MYH6: variants seen among roughly 807,000 people sequenced by gnomAD.
MYH6 encodes myosin-6.
A neutral mutation model predicts 223.2 loss-of-function variants in MYH6; 126 were observed. That is an observed-to-expected ratio of 0.56 (90% CI 0.49 to 0.65). MYH6 has a LOEUF of 0.65. Among genes scored for constraint, MYH6 ranks in the 30% least tolerant of loss-of-function variants. The pLI is 0.00. For missense variants in MYH6, 2,040 were observed against 2,536.4 expected (o/e 0.80, Z 4.20); for synonymous variants, 978 against 1,010.2 (o/e 0.97, Z 0.61).
intron 12 of MYH6, 108 bp from the exon 13 acceptor site, chr14:23,401,085 C>A: frequency 6.6e-7 from 1 of 1,507,410 alleles, no homozygotes; most frequent in Non-Finnish European, 9.0e-7. Context: ...TGGCTCACTA[C>A]AGCCTCCACC....
At chr14:23,403,906 G>T in intron 8 of MYH6, 128 bp from the exon 9 acceptor site, 1 of 863,168 alleles carries the variant, frequency 1.2e-6, no homozygotes. Context: ...TCTCAGTTGA[G>T]TATAAGTGAA....
intron 37 of MYH6, among the ~76,000 whole-genome samples, 169 bp from the exon 38 acceptor site, chr14:23,382,731 A>G (rs1890898225): frequency 6.6e-6 from 1 of 152,038 alleles, no homozygotes; most frequent in South Asian, 2.1e-4. Context: ...CTCTTCTCAA[A>G]CATGTCCAGC....
intron 12 of MYH6, among the ~76,000 whole-genome samples, chr14:23,401,591 C>T (rs1595062215): frequency 6.6e-6 from 1 of 152,326 alleles, no homozygotes; most frequent in Admixed American, 6.5e-5. Context: ...GGCATATCCC[C>T]ACCTTCACCA....
In MYH6 at chr14:23,400,674, T is replaced by C. The variant is rs765813087; in HGVS notation, c.1410+35A>G. 4 of 1,613,962 alleles carry C rather than the reference T, an allele frequency of 2.5e-6. No homozygotes were observed. In the East Asian group the frequency reaches 8.9e-5, roughly 36 times the overall value. ...GCTGTTGAATGTAGGAGCAAGCGAG[T>C]GATTGTTCTCCCACTCCCAGGGGTC... On this transcript the variant is annotated intron_variant, in intron 13 of 38. Transcript: ENST00000405093.
chr14:23,384,778 A>G, intron 35 of MYH6, 61 bp from the exon 36 acceptor site: 3 of 1,613,786 alleles, frequency 1.9e-6, no homozygotes. Flanking sequence ...TTTGCCCCCC[A>G]AGGATCTCCT....
chr14:23,395,589 C>T (rs922775914), intron 20 of MYH6, among the ~76,000 whole-genome samples: 9 of 151,742 alleles, frequency 5.9e-5, no homozygotes, highest in South Asian at 2.1e-4. Flanking sequence ...TGCAGTGGCT[C>T]GATCTTGGCT....
Position 23,383,339 on chromosome 14 carries a change from G to GGGGGGGGGCCCCCC in MYH6, c.5566-20_5566-19insGGGGGGCCCCCCCC. 1 of 108,168 alleles carries GGGGGGGGGCCCCCC rather than the reference G, an allele frequency of 9.2e-6. No homozygotes were observed. The highest frequency in any genetic ancestry group is 1.8e-5 in the Non-Finnish European group (1 of 54,362). The allele number at this position is 108,168 out of a possible 1,614,324, so 6.7% of individuals were successfully genotyped here. On this transcript the variant is annotated intron_variant, in intron 36 of 38. Coordinates refer to ENST00000405093, the MANE Select transcript of MYH6 (RefSeq NM_002471.4). ...CCTCTGTCTGGGGGTGGGAGGGTGG[G>GGGGGGGGGCCCCCC]AGAAGCTGGTTTGGAGGGGGAGCAA... is the stretch of plus-strand genomic sequence containing the variant.
chr14:23,389,461 T>A lies in MYH6; in HGVS notation c.3910A>T (p.Thr1304Ser). The change falls in exon 28 of 39, where the codon ACC becomes TCC. Residue 1304 changes from threonine (T) to serine (S), a missense_variant. Coordinates refer to ENST00000405093, the MANE Select transcript of MYH6 (RefSeq NM_002471.4). The stretch of plus-strand genomic sequence containing the variant: ...TGGGTATAAGAGAGCTTCCCCCGGG[T>A]CAGCTGCGAGATTAGCGCCTCCTTT... ...EEKEALISQLTRGKLSYTQQM... is the reference protein window; with the variant it reads ...EEKEALISQLSRGKLSYTQQM... The A allele has an allele frequency of 6.2e-7, 1 of 1,614,114 alleles. No individual in the cohort carries two copies. The highest frequency in any genetic ancestry group is 8.5e-7 in the Non-Finnish European group (1 of 1,180,032).
chr14:23,394,426 G>A, intron 20 of MYH6, 103 bp from the exon 21 acceptor site: 2 of 1,441,236 alleles, frequency 1.4e-6, no homozygotes, highest in Non-Finnish European at 9.5e-7. Flanking sequence ...TCCTTCTTGT[G>A]CACACCCACC....
In MYH6 at chr14:23,393,872, C is replaced by G. The variant is rs758061689; in HGVS notation, c.2722G>C (p.Asp908His). 6.2e-7 allele frequency: 1 copy of G among 1,614,038 alleles called. No homozygotes were observed. The highest frequency in any genetic ancestry group is 1.7e-5 in the Admixed American group (1 of 59,996). Residue 908 changes from aspartate (D) to histidine (H), a missense_variant, in exon 22 of 39, where the codon GAC becomes CAC. Physicochemically the swap from Asp to His is moderately conservative, Grantham distance 81. This residue lies in a region of MYH6 where 1,203 missense variants were observed against 1,400.2 expected (regional missense o/e 0.86). Transcript: ENST00000405093. Reference sequence around the variant, plus strand: ...TGAATCTTGTTTTTGATCAGCTGGTCGCAGCGCTCCTCAGCATCATTGAGG... The same window carrying G: ...TGAATCTTGTTTTTGATCAGCTGGTGGCAGCGCTCCTCAGCATCATTGAGG... The part of the protein sequence containing the change: ...DNLNDAEERC[D>H]QLIKNKIQLE...
chr14:23,393,589 T>A lies in MYH6; in HGVS notation c.2929-71A>T, dbSNP rs1595056308. On this transcript the variant is annotated intron_variant, in intron 22 of 38. Coordinates refer to ENST00000405093, the MANE Select transcript of MYH6 (RefSeq NM_002471.4). ...CTGGAGACATCTATGGGGACCTCCA[T>A]GCCAAGGACCAGGACAACACTCTAG... The A allele has an allele frequency of 3.7e-6, 6 of 1,613,898 alleles. No individual in the cohort carries two copies. In the South Asian group the frequency reaches 6.6e-5, roughly 18 times the overall value.
intron 20 of MYH6, 31 bp from the exon 21 acceptor site, chr14:23,394,354 C>T (rs776142575): frequency 1.4e-5 from 22 of 1,613,692 alleles, no homozygotes; most frequent in Non-Finnish European, 1.8e-5. Context: ...CAGGGTGGGG[C>T]ACTATAAAAG....
intron 12 of MYH6, 131 bp downstream of exon 12, chr14:23,402,333 G>T (rs1384453620): frequency 2.8e-6 from 4 of 1,403,796 alleles, no homozygotes; most frequent in African/African-American, 1.4e-5. Flanking sequence ...CGTCTCCCAC[G>T]TCCCTGTCCC....
chr14:23,403,659 A>G, intron 9 of MYH6, 56 bp downstream of exon 9: 1 of 1,504,592 alleles, frequency 6.6e-7, no homozygotes, highest in South Asian at 1.2e-5. Context: ...GCCGCCAGGC[A>G]GGGAGAGAAG....
rs186239317 is a variant in MYH6 at position 23,382,642 on chromosome 14, C to T, written c.5662-80G>A. ...TCAGCCTCTCAACCTGAGGTTCCAG[C>T]TCCCTGTCCCTGAGGCACCCATACC... On this transcript the variant is annotated intron_variant, in intron 37 of 38. Transcript: ENST00000405093. The T allele has an allele frequency of 1.5e-3, 2,351 of 1,607,800 alleles. 6 individuals carry two copies. Among genetic ancestry groups the T allele is most frequent in the Non-Finnish European group, 1.7e-3 (1,940 of 1,174,528 alleles).
intron 12 of MYH6, among the ~76,000 whole-genome samples, chr14:23,402,204 G>A (rs1331629671): frequency 6.6e-6 from 1 of 152,196 alleles, no homozygotes; most frequent in African/African-American, 2.4e-5. Flanking sequence ...AGAGCTCAGG[G>A]GCTGTGCTTC....
intron 34 of MYH6, 102 bp from the exon 35 acceptor site, chr14:23,385,143 AAAAC>A (rs1890983057): frequency 2.1e-6 from 3 of 1,431,600 alleles, no homozygotes; most frequent in African/African-American, 3.1e-5. Context: ...TTTTTTTTTT[AAAAC>A]AACAAGCCCA....
intron 25 of MYH6, among the ~76,000 whole-genome samples, chr14:23,391,615 T>G (rs1010951837): frequency 6.6e-6 from 1 of 152,182 alleles, no homozygotes; most frequent in Non-Finnish European, 1.5e-5. Flanking sequence ...GGAGACTACC[T>G]CTTTCTACCA....
Position 23,398,753 on chromosome 14 carries a change from G to T in MYH6, c.1866C>A (p.Phe622Leu), listed in dbSNP as rs754059097. Reference sequence around the variant, plus strand: ...CAGTATCGGCAGTTGCGTAGGAGGAGAAGAGAGTGGCCATGAGCTTGAGGG... The same window carrying T: ...CAGTATCGGCAGTTGCGTAGGAGGATAAGAGAGTGGCCATGAGCTTGAGGG... Reference protein sequence around the residue: ...KSSLKLMATLFSSYATADTGD... With the variant: ...KSSLKLMATLLSSYATADTGD... Residue 622 changes from phenylalanine (F) to leucine (L), a missense_variant, in exon 15 of 39, where the codon TTC becomes TTA. Physicochemically the swap from Phe to Leu is conservative, Grantham distance 22. This residue lies in a region of MYH6 where 649 missense variants were observed against 877.3 expected (regional missense o/e 0.74). Transcript: ENST00000405093. The T allele has an allele frequency of 6.2e-7, 1 of 1,614,234 alleles. No homozygotes were observed. The highest frequency in any genetic ancestry group is 1.7e-5 in the Admixed American group (1 of 60,028).
Sources: gnomAD v4.1 joint callset for allele counts (sites outside exome capture counted in the v4.1 genomes callset) on GRCh38, gnomAD v4.1.1 for gene constraint, gnomAD v4.1.1 regional missense constraint, MANE v1.5 for transcripts, NCBI Gene and HGNC (gene_info 2026-07-23, HGNC 2026-07-21) for gene names.